GPC6: variants seen among roughly 807,000 people sequenced by gnomAD.
GPC6 encodes glypican-6.
In GPC6, 14 loss-of-function variants were observed where a neutral mutation model predicts 55.2. The observed-to-expected ratio is 0.25, with a 90% confidence interval of 0.17 to 0.40. The LOEUF (loss-of-function observed/expected upper bound fraction) is 0.40. GPC6 is among the 10% of genes least tolerant of loss of function. GPC6 has a pLI of 1.00. For missense variants in GPC6, 641 were observed against 708.5 expected, an observed-to-expected ratio of 0.90 and a Z score of 1.08; for synonymous variants, 278 against 259.6, an observed-to-expected ratio of 1.07 and a Z score of -0.68.
chr13:94,025,817 C>T (rs527548789), intron 3 of GPC6, among the ~76,000 whole-genome samples: 4 of 152,090 alleles, frequency 2.6e-5, no homozygotes, highest in Non-Finnish European at 5.9e-5. Flanking sequence ...ATTTGACTTA[C>T]AGTATTTTAC....
In GPC6 at chr13:93,259,037, A is replaced by G. The variant is rs537005005; in HGVS notation, c.160+31421A>G. Reference sequence around the variant, plus strand: ...TAATGGTATGTATCTGGTGAATGCAAATGAGTACAAAGACTGAAGAGAGAG... The same window carrying G: ...TAATGGTATGTATCTGGTGAATGCAGATGAGTACAAAGACTGAAGAGAGAG... On this transcript the variant is annotated intron_variant, in intron 1 of 8. Coordinates refer to ENST00000377047, the MANE Select transcript of GPC6 (RefSeq NM_005708.5). 4.4e-4 allele frequency among the ~76,000 whole-genome samples: 67 copies of G among 152,298 alleles called. 1 individual carries two copies. Among genetic ancestry groups the G allele is most frequent in the African/African-American group, 1.6e-3 (65 of 41,572 alleles).
intron 2 of GPC6, among the ~76,000 whole-genome samples, chr13:93,777,333 A>G (rs962023962): frequency 6.6e-6 from 1 of 152,172 alleles, no homozygotes; most frequent in African/African-American, 2.4e-5. Flanking sequence ...GCTTACTAGC[A>G]ACATTAACTA....
chr13:93,978,702 T>G (rs555268756), intron 3 of GPC6, among the ~76,000 whole-genome samples: 1 of 152,126 alleles, frequency 6.6e-6, no homozygotes, highest in Non-Finnish European at 1.5e-5. Flanking sequence ...GTCTACAAGG[T>G]CCACTTCCTT....
At chr13:94,185,836 G>A (rs973562498) in intron 4 of GPC6, among the ~76,000 whole-genome samples, 6 of 151,696 alleles carry the variant, frequency 4.0e-5, no homozygotes, top group South Asian at 2.1e-4. Flanking sequence ...TGAGGTGGGC[G>A]GATCACGAGG....
intron 3 of GPC6, among the ~76,000 whole-genome samples, chr13:93,831,996 A>G (rs1375618419): frequency 7.0e-6 from 1 of 142,406 alleles, no homozygotes; most frequent in East Asian, 2.2e-4. Context: ...AGGCTGAGGC[A>G]GGAGAATGGC....
At chr13:93,863,138 T>C (rs889298673) in intron 3 of GPC6, among the ~76,000 whole-genome samples, 3 of 151,704 alleles carry the variant, frequency 2.0e-5, no homozygotes, top group African/African-American at 7.3e-5. Context: ...AACCAAACAG[T>C]AAGCTTTTCT....
At position 93,573,998 on chromosome 13, in the gene GPC6, C is replaced by T. The variant is rs181213515; in HGVS notation, c.319+28577C>T. Among the ~76,000 whole-genome samples the T allele has an allele frequency of 9.6e-4, 146 of 152,118 alleles. 4 individuals carry two copies. Among genetic ancestry groups the T allele is most frequent in the Admixed American group, 2.1e-3 (32 of 15,262 alleles). ...AATTGGTCATAATAACACCCGATTGCCAATAATGCTGTTTTTATGGGAGGT... is the reference window on the plus strand; with the variant it reads ...AATTGGTCATAATAACACCCGATTGTCAATAATGCTGTTTTTATGGGAGGT... On this transcript the variant is annotated intron_variant, in intron 2 of 8. Transcript: ENST00000377047.
chr13:94,123,149 T>C (rs1322915735), intron 4 of GPC6, among the ~76,000 whole-genome samples: 1 of 152,032 alleles, frequency 6.6e-6, no homozygotes. Context: ...CTGTGAGACA[T>C]AGACAAAATA....
chr13:93,346,986 C>G (rs1055055291), intron 1 of GPC6, among the ~76,000 whole-genome samples: 1 of 152,086 alleles, frequency 6.6e-6, no homozygotes, highest in Non-Finnish European at 1.5e-5. Flanking sequence ...AATGATAAAT[C>G]AAAACTAATT....
rs199810123 is a variant in GPC6 at position 93,965,102 on chromosome 13, G to GTTTT, written c.712-62624_712-62623insTTTT. The stretch of plus-strand genomic sequence containing the variant: ...AGTAAGTATTTGGGAAACACTATGA[G>GTTTT]TTTGTTTTTTTTTTTTTTTTTTTTT... On this transcript the variant is annotated intron_variant, in intron 3 of 8. Transcript: ENST00000377047. 3.3e-4 allele frequency among the ~76,000 whole-genome samples: 37 copies of GTTTT among 113,326 alleles called. 3 individuals are homozygous for GTTTT. Among genetic ancestry groups the GTTTT allele is most frequent in the African/African-American group, 9.3e-4 (27 of 29,110 alleles). 74.3% of individuals were successfully genotyped at this position (113,326 alleles called of 152,430 possible).
chr13:93,811,685 C>T (rs1455045125), intron 2 of GPC6, among the ~76,000 whole-genome samples: 2 of 151,790 alleles, frequency 1.3e-5, no homozygotes, highest in Non-Finnish European at 2.9e-5. Flanking sequence ...GCCTCTTTGC[C>T]AGAATTTCTG....
chr13:93,322,604 T>A (rs1420381860), intron 1 of GPC6, among the ~76,000 whole-genome samples: 1 of 150,732 alleles, frequency 6.6e-6, no homozygotes, highest in Non-Finnish European at 1.5e-5. Flanking sequence ...GCCCAGCTAA[T>A]TTTTTTTGTA....
At chr13:93,764,309 T>TG (rs111914728) in intron 2 of GPC6, among the ~76,000 whole-genome samples, 22,424 of 152,002 alleles carry the variant, frequency 0.15, 3,229 homozygotes, top group African/African-American at 0.35. Context: ...TTTTAGGAAG[T>TG]GATGTGTTTG....
chr13:94,028,407 C>G (rs1882986252), intron 4 of GPC6, among the ~76,000 whole-genome samples: 1 of 151,886 alleles, frequency 6.6e-6, no homozygotes, highest in South Asian at 2.1e-4. Context: ...ATTGTGCAAC[C>G]CAGCTATATT....
intron 2 of GPC6, among the ~76,000 whole-genome samples, chr13:93,551,077 G>A (rs1759774225): frequency 1.3e-5 from 2 of 152,236 alleles, no homozygotes; most frequent in South Asian, 2.1e-4. Flanking sequence ...TTGCAGTTCA[G>A]TATTCAAAGA....
At chr13:94,165,982 T>A (rs185484257) in intron 4 of GPC6, among the ~76,000 whole-genome samples, 1 of 152,164 alleles carries the variant, frequency 6.6e-6, no homozygotes, top group African/African-American at 2.4e-5. Flanking sequence ...AGAAAATTTT[T>A]CATGTATTCC....
chr13:93,947,834 C>T (rs1879081361), intron 3 of GPC6, among the ~76,000 whole-genome samples: 1 of 151,644 alleles, frequency 6.6e-6, no homozygotes, highest in African/African-American at 2.4e-5. Flanking sequence ...TGAGAATTAG[C>T]TGGGTCTTAA....
chr13:93,849,460 AAG>A (rs1201362895), intron 3 of GPC6, among the ~76,000 whole-genome samples: 6 of 152,106 alleles, frequency 3.9e-5, no homozygotes, highest in Non-Finnish European at 8.8e-5. Context: ...AGATGAATGA[AAG>A]ATGAATGACT....
At chr13:93,515,290 A>C (rs112646316) in intron 1 of GPC6, among the ~76,000 whole-genome samples, 1 of 152,120 alleles carries the variant, frequency 6.6e-6, no homozygotes, top group African/African-American at 2.4e-5. Context: ...TCAGTTATTT[A>C]AGCCACCCAG....
Sources: gnomAD v4.1 joint callset for allele counts (sites outside exome capture counted in the v4.1 genomes callset) on GRCh38, gnomAD v4.1.1 for gene constraint, MANE v1.5 for transcripts, NCBI Gene and HGNC (gene_info 2026-07-23, HGNC 2026-07-21) for gene names.